PREX2: variants seen among roughly 807,000 people sequenced by gnomAD.
PREX2 encodes the protein phosphatidylinositol-3,4,5-trisphosphate dependent Rac exchange factor 2.
In PREX2, 107 loss-of-function variants were observed where a neutral mutation model predicts 203.2. That is an observed-to-expected ratio of 0.53 (90% confidence interval 0.45 to 0.62). The LOEUF is 0.62. Ranked by LOEUF, PREX2 falls within the 20% of genes least tolerant of loss-of-function variation. PREX2 has a pLI of 0.00. For missense variants in PREX2, 1,777 were observed against 1,955.9 expected, an observed-to-expected ratio of 0.91 and a Z score of 1.72; for synonymous variants, 672 against 663.6, an observed-to-expected ratio of 1.01 and a Z score of -0.19.
chr8:67,961,809 T>G (rs1459274660), intron 1 of PREX2, among the ~76,000 whole-genome samples: 1 of 152,206 alleles, frequency 6.6e-6, no homozygotes, highest in Non-Finnish European at 1.5e-5. Flanking sequence ...TAGCCTTACA[T>G]ATAACGGAGC....
At chr8:68,155,672 C>A (rs1356421404) in intron 34 of PREX2, among the ~76,000 whole-genome samples, 1 of 152,134 alleles carries the variant, frequency 6.6e-6, no homozygotes, top group Non-Finnish European at 1.5e-5. Flanking sequence ...AGTAGTGATG[C>A]ATTTCAAGGG....
chr8:68,115,819 A>G lies in PREX2; in HGVS notation c.3213A>G (p.Thr1071=). The G allele has an allele frequency of 6.2e-7, 1 of 1,613,908 alleles. No homozygotes were observed. Among genetic ancestry groups the G allele is most frequent in the African/African-American group, 1.3e-5 (1 of 75,060 alleles). The change falls in exon 26 of 40, where the codon ACA becomes ACG. Residue 1071 remains threonine (T), a synonymous_variant. Transcript: ENST00000288368. ...AGACATCAGAGGGCATAATACCAAC[A>G]GACAGTGACAATGAGAAGGGAGAAA... ...ERKTSEGIIP[T]DSDNEKGERN...
chr8:68,144,142 C>A (rs987451683), intron 33 of PREX2, among the ~76,000 whole-genome samples: 7 of 152,106 alleles, frequency 4.6e-5, no homozygotes, highest in Non-Finnish European at 1.0e-4. Flanking sequence ...CAACTTTGTT[C>A]TTCTTTTTCT....
rs561526479 is a variant in PREX2, at chr8:68,200,609, T to G, written c.4604+8084T>G. On this transcript the variant is annotated intron_variant, in intron 37 of 39. Transcript: ENST00000288368. ...TATTTGCATGTGATATCATTGTCTC[T>G]TTTTTTTTTGCTTGATTAATATGTA... is the stretch of plus-strand genomic sequence containing the variant. Among the ~76,000 whole-genome samples, 624 of 90,502 alleles carry G rather than the reference T, an allele frequency of 6.9e-3. 2 individuals are homozygous for G. The highest frequency in any genetic ancestry group is 0.031 in the African/African-American group (601 of 19,408). 59.4% of individuals were successfully genotyped at this position (90,502 alleles called of 152,430 possible).
At chr8:67,969,264 C>G (rs554362676) in intron 1 of PREX2, among the ~76,000 whole-genome samples, 6 of 152,268 alleles carry the variant, frequency 3.9e-5, no homozygotes, top group African/African-American at 1.4e-4. Context: ...GTTAACCCAG[C>G]TCAGTTCTCT....
At chr8:68,021,963 T>G (rs1807580841) in intron 3 of PREX2, 73 bp from the exon 4 acceptor site, 4 of 749,306 alleles carry the variant, frequency 5.3e-6, no homozygotes, top group Non-Finnish European at 7.2e-6. Context: ...GAAGTTTCTT[T>G]AAGCATATCA....
chr8:68,028,656 T>C (rs1360532738), intron 5 of PREX2, among the ~76,000 whole-genome samples: 1 of 151,964 alleles, frequency 6.6e-6, no homozygotes, highest in Non-Finnish European at 1.5e-5. Context: ...GGGAGTATTG[T>C]TGCAAATGTG....
rs16934316 is a variant in PREX2, at chr8:68,211,179, C to A, written c.4605-6437C>A. On this transcript the variant is annotated intron_variant, in intron 37 of 39. Transcript: ENST00000288368. ...ATCTAAGATCAACTGGGACAAACACCTGAAAAAACAATCACAAAGAATGTT... is the reference window on the plus strand; with the variant it reads ...ATCTAAGATCAACTGGGACAAACACATGAAAAAACAATCACAAAGAATGTT... Among the ~76,000 whole-genome samples the A allele has an allele frequency of 4.1e-3, 626 of 151,918 alleles. 4 individuals are homozygous for A. Among genetic ancestry groups the A allele is most frequent in the African/African-American group, 0.015 (602 of 41,516 alleles).
intron 25 of PREX2, among the ~76,000 whole-genome samples, chr8:68,110,068 T>G (rs1314535324): frequency 6.6e-6 from 1 of 152,188 alleles, no homozygotes; most frequent in Non-Finnish European, 1.5e-5. Context: ...TGCAAAATTA[T>G]GTATCTCTAG....
chr8:68,213,283 A>G (rs757640405), intron 37 of PREX2, among the ~76,000 whole-genome samples: 1 of 152,222 alleles, frequency 6.6e-6, no homozygotes, highest in Non-Finnish European at 1.5e-5. Context: ...GACAGCAGCC[A>G]TATCATTTGC....
In PREX2 at chr8:68,120,857, G is replaced by A. The variant is rs1160370533; in HGVS notation, c.3596-64G>A. On this transcript the variant is annotated intron_variant, in intron 29 of 39. Transcript: ENST00000288368. ...AACAGTGACAGAAGAAGGTTTTGAA[G>A]CCTAAAGGCTTCATTGTTTAGGAAT... The A allele has an allele frequency of 4.1e-6, 6 of 1,458,884 alleles. No homozygotes were observed. The African/African-American group carries it at 8.6e-5, about 21-fold the overall frequency. 90.4% of individuals were successfully genotyped at this position (1,458,884 alleles called of 1,614,324 possible). A position where few individuals can be genotyped will look rare whatever the true frequency, so the allele number is the denominator to read the frequency against.
chr8:68,193,760 T>G (rs1264753522), intron 37 of PREX2, among the ~76,000 whole-genome samples: 4 of 152,090 alleles, frequency 2.6e-5, no homozygotes. Context: ...TGGAGGAAGT[T>G]ATGTTTGAAT....
intron 38 of PREX2, among the ~76,000 whole-genome samples, chr8:68,220,688 C>T (rs1812936205): frequency 6.6e-6 from 1 of 152,070 alleles, no homozygotes; most frequent in Non-Finnish European, 1.5e-5. Context: ...TAGACTGAGC[C>T]CCTCCCTGGC....
chr8:68,147,630 A>G (rs1005577808), intron 34 of PREX2, among the ~76,000 whole-genome samples: 1 of 152,198 alleles, frequency 6.6e-6, no homozygotes, highest in Non-Finnish European at 1.5e-5. Flanking sequence ...AGTCTTGGAT[A>G]TGTCTTTATC....
At chr8:68,219,611 G>A (rs540134030) in intron 38 of PREX2, among the ~76,000 whole-genome samples, 61 of 152,190 alleles carry the variant, frequency 4.0e-4, no homozygotes, top group African/African-American at 1.3e-3. Flanking sequence ...AAGTTGTGAC[G>A]TCCCAATGGC....
At chr8:68,114,108 C>T (rs753987081) in intron 25 of PREX2, among the ~76,000 whole-genome samples, 14 of 152,120 alleles carry the variant, frequency 9.2e-5, no homozygotes, top group Non-Finnish European at 1.9e-4. Context: ...GTGATCCACC[C>T]ACCTCGGCCT....
At chr8:68,089,941 T>C (rs924819771) in intron 19 of PREX2, among the ~76,000 whole-genome samples, 1 of 152,226 alleles carries the variant, frequency 6.6e-6, no homozygotes, top group African/African-American at 2.4e-5. Flanking sequence ...GGTTAGGATA[T>C]GTTACTTTCA....
chr8:68,097,307 T>C (rs1020094341), intron 22 of PREX2, 106 bp downstream of exon 22: 1 of 862,812 alleles, frequency 1.2e-6, no homozygotes, highest in Admixed American at 3.1e-5. Flanking sequence ...ATGTTGCAGC[T>C]GTCAGCTCAT....
intron 34 of PREX2, among the ~76,000 whole-genome samples, chr8:68,149,730 C>T (rs1309937555): frequency 6.6e-6 from 1 of 152,154 alleles, no homozygotes; most frequent in African/African-American, 2.4e-5. Context: ...CCAGGCTCTG[C>T]CCCATGCAAA....
Sources: allele counts gnomAD v4.1 joint callset (sites outside exome capture counted in the v4.1 genomes callset), GRCh38; gene constraint gnomAD v4.1.1; transcripts MANE v1.5; gene names NCBI Gene and HGNC (gene_info 2026-07-23, HGNC 2026-07-21).